Variants in OSBPL5 observed in about 807,000 individuals in gnomAD.
The protein encoded by OSBPL5 is oxysterol binding protein like 5.
Under a neutral mutation model 111.2 loss-of-function variants are expected in OSBPL5, and 71 were observed. That is an observed-to-expected ratio of 0.64 (90% CI 0.53 to 0.78). The LOEUF (loss-of-function observed/expected upper bound fraction) is 0.78, where lower values mean the gene tolerates loss of function less well. Ranked by LOEUF, OSBPL5 falls within the 30% of genes least tolerant of loss-of-function variation. OSBPL5 has a pLI of 0.00. For missense variants in OSBPL5, 1,210 were observed against 1,189.3 expected (o/e 1.02, Z -0.26); for synonymous variants, 549 against 513.9 (o/e 1.07, Z -0.93).
At chr11:3,094,532 GGGGTGC>G in intron 14 of OSBPL5, 198 bp from the exon 15 acceptor site, 1 of 556,526 alleles carries the variant, frequency 1.8e-6, no homozygotes, top group Non-Finnish European at 3.2e-6. Flanking sequence ...GAGGCTGGTG[GGGGTGC>G]GGAGCCTGGG....
rs1858426485 is a variant in OSBPL5, at chr11:3,121,808, T to C, written c.402+189A>G. ...GCCCTAATTCCTACCACTGGTGTCC[T>C]TATAAAAAGGGGGAGAGACAGGTGG... On this transcript the variant is annotated intron_variant, in intron 5 of 21. Coordinates refer to ENST00000263650, the MANE Select transcript of OSBPL5 (RefSeq NM_020896.4). This position sits in a 1 kb window ranked among gnomAD's most constrained non-coding sequence, Gnocchi z 4.3. 3.3e-6 allele frequency: 2 copies of C among 606,592 alleles called. No homozygotes were observed. The highest frequency in any genetic ancestry group is 5.9e-6 in the Non-Finnish European group (2 of 341,472). 37.6% of individuals were successfully genotyped at this position (606,592 alleles called of 1,614,324 possible).
chr11:3,111,976 TGTGCGC>T (rs1857962373), intron 7 of OSBPL5, among the ~76,000 whole-genome samples: 1 of 134,330 alleles, frequency 7.4e-6, no homozygotes, highest in Non-Finnish European at 1.7e-5. Flanking sequence ...TGTGCATATG[TGTGCGC>T]GCATGTGTGT....
At chr11:3,112,473 C>CT (rs556463241) in intron 7 of OSBPL5, among the ~76,000 whole-genome samples, 22 of 48,554 alleles carry the variant, frequency 4.5e-4, no homozygotes, top group South Asian at 1.1e-3. Context: ...TTTGTGTTTT[C>CT]TTTTCTTTTT....
intron 21 of OSBPL5, 60 bp from the exon 22 acceptor site, chr11:3,088,403 C>T: frequency 7.0e-7 from 1 of 1,425,212 alleles, no homozygotes; most frequent in Non-Finnish European, 9.2e-7. Context: ...CCCCCTCCCA[C>T]AAGCCAGGAC....
At chr11:3,114,756 G>A (rs1033659348) in intron 7 of OSBPL5, among the ~76,000 whole-genome samples, 3 of 151,388 alleles carry the variant, frequency 2.0e-5, no homozygotes, top group Admixed American at 6.6e-5. Flanking sequence ...CCGCCACCAC[G>A]CCTGGCTAAT....
intron 14 of OSBPL5, among the ~76,000 whole-genome samples, chr11:3,095,754 C>A (rs1301945812): frequency 3.3e-5 from 5 of 152,092 alleles, no homozygotes; most frequent in Non-Finnish European, 5.9e-5. Context: ...GTTGGGTAAC[C>A]ACATAGTAGA....
In OSBPL5 at chr11:3,107,254, G is replaced by A; in HGVS notation, c.1059+9C>T. ...AGACGCTTGGGGCTCCTGGCTGGGGGGCTCTCACCTCCCCCAGCTCCTCCT... is the reference window on the plus strand; with the variant it reads ...AGACGCTTGGGGCTCCTGGCTGGGGAGCTCTCACCTCCCCCAGCTCCTCCT... On this transcript the variant is annotated intron_variant, in intron 9 of 21. Transcript: ENST00000263650. This position sits in a 1 kb window ranked among gnomAD's most constrained non-coding sequence, Gnocchi z 6.1. 1.2e-6 allele frequency: 2 copies of A among 1,609,250 alleles called. No individual in the cohort carries two copies. Among genetic ancestry groups the A allele is most frequent in the South Asian group, 1.1e-5 (1 of 91,016 alleles).
chr11:3,160,158 G>GT (rs1762532419), intron 1 of OSBPL5, among the ~76,000 whole-genome samples: 1 of 152,178 alleles, frequency 6.6e-6, no homozygotes, highest in African/African-American at 2.4e-5. Flanking sequence ...AGGGGGTGGG[G>GT]TGGGGGTGAG....
At chr11:3,100,463 T>C (rs1041184354) in intron 13 of OSBPL5, among the ~76,000 whole-genome samples, 2 of 152,252 alleles carry the variant, frequency 1.3e-5, no homozygotes, top group Non-Finnish European at 2.9e-5. Context: ...ACATCTGTGC[T>C]GAGAAGTTAT....
chr11:3,145,414 C>T (rs1846308657), intron 1 of OSBPL5, among the ~76,000 whole-genome samples: 1 of 152,228 alleles, frequency 6.6e-6, no homozygotes, highest in African/African-American at 2.4e-5. Context: ...TTCCCTTGGT[C>T]ACATCCCCTC....
intron 1 of OSBPL5, among the ~76,000 whole-genome samples, chr11:3,157,048 G>C (rs1295221946): frequency 3.9e-5 from 6 of 152,248 alleles, no homozygotes; most frequent in Admixed American, 1.3e-4. Flanking sequence ...CTCCCAGTTC[G>C]CACAGGTCAG....
At chr11:3,149,985 C>A (rs1459314263) in intron 1 of OSBPL5, among the ~76,000 whole-genome samples, 1 of 152,244 alleles carries the variant, frequency 6.6e-6, no homozygotes, top group Non-Finnish European at 1.5e-5. Context: ...CACACATACA[C>A]ATGTGCACAG....
chr11:3,140,976 TCA>T lies in OSBPL5; in HGVS notation c.-21-11809_-21-11808del, dbSNP rs1183115192. 6.6e-6 allele frequency among the ~76,000 whole-genome samples: 1 copy of T among 151,642 alleles called. No individual in the cohort carries two copies. Among genetic ancestry groups the T allele is most frequent in the Non-Finnish European group, 1.5e-5 (1 of 67,942 alleles). On this transcript the variant is annotated intron_variant, in intron 1 of 21. Transcript: ENST00000263650. This position sits in a 1 kb window ranked among gnomAD's most constrained non-coding sequence, Gnocchi z 4.5. The stretch of plus-strand genomic sequence containing the variant: ...GATGCCATCTGTCAAGGGTCAGGGG[TCA>T]CACACTGCAGAGAAGAAGACACAAA...
rs1858627505 is a variant in OSBPL5, at chr11:3,126,402, TC to T, written c.219+70del. ...TCAGCTGGACGCCCTGCTGTCCTTT[TC>T]CCCAGCCGTTTCCTGCTGTCCCCAG... On this transcript the variant is annotated intron_variant, in intron 3 of 21. Coordinates refer to ENST00000263650, the MANE Select transcript of OSBPL5 (RefSeq NM_020896.4). The surrounding 1 kb of genome is among the most constrained non-coding windows in gnomAD (Gnocchi z 6.5). 7.2e-7 allele frequency: 1 copy of T among 1,381,284 alleles called. No homozygotes were observed. Among genetic ancestry groups the T allele is most frequent in the Non-Finnish European group, 9.6e-7 (1 of 1,039,306 alleles). 85.6% of individuals were successfully genotyped at this position (1,381,284 alleles called of 1,614,324 possible). A position where few individuals can be genotyped will look rare whatever the true frequency, so the allele number is the denominator to read the frequency against.
chr11:3,151,030 T>C (rs773732359), intron 1 of OSBPL5, among the ~76,000 whole-genome samples: 11 of 152,112 alleles, frequency 7.2e-5, no homozygotes, highest in Non-Finnish European at 1.5e-4. Context: ...AGAGGGTCAC[T>C]GTATGGGGTC....
rs748041325 is a variant in OSBPL5 at position 3,107,252 on chromosome 11, G to A, written c.1059+11C>T. 1.2e-6 allele frequency: 2 copies of A among 1,609,054 alleles called. No homozygotes were observed. Among genetic ancestry groups the A allele is most frequent in the Admixed American group, 3.4e-5 (2 of 59,316 alleles). On this transcript the variant is annotated intron_variant, in intron 9 of 21. Coordinates refer to ENST00000263650, the MANE Select transcript of OSBPL5 (RefSeq NM_020896.4). This position sits in a 1 kb window ranked among gnomAD's most constrained non-coding sequence, Gnocchi z 6.1. ...GGAGACGCTTGGGGCTCCTGGCTGG[G>A]GGGCTCTCACCTCCCCCAGCTCCTC...
At position 3,104,683 on chromosome 11, in the gene OSBPL5, T is replaced by G. The variant is rs1360604714; in HGVS notation, c.1060-306A>C. ...GTCCAGGGTGCAGCCTCCCAACACC[T>G]GCTGTTGAAACCTGTCTGTGCATCG... On this transcript the variant is annotated intron_variant, in intron 9 of 21. Transcript: ENST00000263650. This position sits in a 1 kb window ranked among gnomAD's most constrained non-coding sequence, Gnocchi z 5.0. 1.3e-5 allele frequency among the ~76,000 whole-genome samples: 2 copies of G among 152,168 alleles called. No homozygotes were observed. Among genetic ancestry groups the G allele is most frequent in the Non-Finnish European group, 2.9e-5 (2 of 67,996 alleles).
intron 7 of OSBPL5, among the ~76,000 whole-genome samples, chr11:3,114,338 G>C (rs1380548899): frequency 2.0e-5 from 3 of 152,082 alleles, no homozygotes; most frequent in Non-Finnish European, 4.4e-5. Flanking sequence ...ATATGAGAAA[G>C]AATCTTGTAT....
chr11:3,099,429 G>C (rs1857381755), intron 14 of OSBPL5, among the ~76,000 whole-genome samples: 1 of 152,186 alleles, frequency 6.6e-6, no homozygotes, highest in African/African-American at 2.4e-5. Flanking sequence ...ACCAAATGTA[G>C]CACCTCAGTG....
Sources: gnomAD v4.1 joint callset for allele counts (sites outside exome capture counted in the v4.1 genomes callset) on GRCh38, gnomAD v4.1.1 for gene constraint, Gnocchi (gnomAD v3.1) non-coding constraint, MANE v1.5 for transcripts, NCBI Gene and HGNC (gene_info 2026-07-23, HGNC 2026-07-21) for gene names.